ATXN7L1: variants seen among roughly 807,000 people sequenced by gnomAD.
ATXN7L1 encodes the protein ataxin-7-like protein 1.
Under a neutral mutation model 70.8 loss-of-function variants are expected in ATXN7L1, and 15 were observed. That is an observed-to-expected ratio of 0.21 (90% CI 0.14 to 0.33). ATXN7L1 has a LOEUF of 0.33. ATXN7L1 is among the 10% of genes least tolerant of loss of function. The pLI, the probability that ATXN7L1 is intolerant of heterozygous loss-of-function variation, is 1.00. For missense variants in ATXN7L1, 975 were observed against 1,097.1 expected, an observed-to-expected ratio of 0.89 and a Z score of 1.57; for synonymous variants, 440 against 445.1, an observed-to-expected ratio of 0.99 and a Z score of 0.14.
intron 3 of ATXN7L1, chr7:105,761,381 C>T (rs1800517440): frequency 5.0e-6 from 8 of 1,614,134 alleles, no homozygotes; most frequent in African/African-American, 1.3e-5. Flanking sequence ...TCCATTCTCA[C>T]ACCTGATGCT....
intron 2 of ATXN7L1, among the ~76,000 whole-genome samples, chr7:105,833,636 G>A (rs1811959116): frequency 6.6e-6 from 1 of 152,204 alleles, no homozygotes; most frequent in Non-Finnish European, 1.5e-5. Flanking sequence ...AAAACTCAGA[G>A]AAAGTATAGT....
At chr7:105,673,647 C>T (rs911664235) in intron 3 of ATXN7L1, among the ~76,000 whole-genome samples, 1 of 152,228 alleles carries the variant, frequency 6.6e-6, no homozygotes, top group Admixed American at 6.5e-5. Context: ...CAAAAGTAAA[C>T]TGGAGTTGGA....
intron 3 of ATXN7L1, among the ~76,000 whole-genome samples, chr7:105,750,604 C>T: frequency 6.7e-6 from 1 of 148,154 alleles, no homozygotes; most frequent in Non-Finnish European, 1.5e-5. Context: ...GCGTTCGAGA[C>T]CAGCCTGACC....
Position 105,862,531 on chromosome 7 carries a change from C to A in ATXN7L1, c.250+13281G>T, listed in dbSNP as rs543505747. ...TCTGTCCCATTAAGTGTAAAAGGTGCTTGAACCCACAAGCTCCAGGTCCTT... is the reference window on the plus strand; with the variant it reads ...TCTGTCCCATTAAGTGTAAAAGGTGATTGAACCCACAAGCTCCAGGTCCTT... On this transcript the variant is annotated intron_variant, in intron 2 of 11. Transcript: ENST00000419735. Among the ~76,000 whole-genome samples, 4 of 152,286 alleles carry A rather than the reference C, an allele frequency of 2.6e-5. No individual in the cohort carries two copies. The South Asian group carries it at 6.2e-4, about 24-fold the overall frequency.
chr7:105,646,721 G>T (rs1222325713), intron 4 of ATXN7L1, among the ~76,000 whole-genome samples: 1 of 146,676 alleles, frequency 6.8e-6, no homozygotes, highest in Non-Finnish European at 1.5e-5. Flanking sequence ...CCCAGCCGAG[G>T]CCAGGTATTT....
chr7:105,619,832 C>T (rs993622950), intron 9 of ATXN7L1, among the ~76,000 whole-genome samples: 9 of 151,968 alleles, frequency 5.9e-5, no homozygotes, highest in Non-Finnish European at 1.2e-4. Flanking sequence ...GCTGGGATTA[C>T]AGGCGTGAAT....
chr7:105,610,148 C>T (rs191456870), intron 11 of ATXN7L1, among the ~76,000 whole-genome samples: 5 of 152,190 alleles, frequency 3.3e-5, no homozygotes, highest in Admixed American at 6.5e-5. Context: ...TGCCTTTTAA[C>T]GAATGAAAAA....
chr7:105,646,806 C>T (rs931857608), intron 4 of ATXN7L1, among the ~76,000 whole-genome samples: 2 of 150,904 alleles, frequency 1.3e-5, no homozygotes, highest in African/African-American at 2.4e-5. Flanking sequence ...AAGCTGGGCA[C>T]GTTGGTGGAC....
chr7:105,673,351 G>C (rs1438252144), intron 3 of ATXN7L1, among the ~76,000 whole-genome samples: 2 of 152,198 alleles, frequency 1.3e-5, no homozygotes, highest in Admixed American at 6.5e-5. Flanking sequence ...GAAAGAACTT[G>C]TTGAGAATTT....
chr7:105,810,779 G>A (rs1808324851), intron 2 of ATXN7L1, among the ~76,000 whole-genome samples: 1 of 152,272 alleles, frequency 6.6e-6, no homozygotes, highest in African/African-American at 2.4e-5. Flanking sequence ...AGTGGTGTGG[G>A]AAGCTATGCA....
intron 9 of ATXN7L1, among the ~76,000 whole-genome samples, chr7:105,619,139 A>AGTTTTT (rs1794371192): frequency 1.3e-4 from 3 of 23,578 alleles, no homozygotes; most frequent in Non-Finnish European, 1.9e-4. Context: ...TGAAATCTTT[A>AGTTTTT]GTTTTTTTTT....
chr7:105,688,428 A>G (rs1005999976), intron 3 of ATXN7L1, among the ~76,000 whole-genome samples: 1 of 152,110 alleles, frequency 6.6e-6, no homozygotes, highest in African/African-American at 2.4e-5. Flanking sequence ...CTGTAGCCCC[A>G]GCTACTTGGG....
intron 2 of ATXN7L1, among the ~76,000 whole-genome samples, chr7:105,794,092 C>G (rs769640500): frequency 1.3e-5 from 2 of 151,990 alleles, no homozygotes; most frequent in Non-Finnish European, 2.9e-5. Context: ...TTATTTTACT[C>G]TATTCTATTT....
At chr7:105,732,671 C>A (rs1796710890) in intron 3 of ATXN7L1, among the ~76,000 whole-genome samples, 1 of 152,168 alleles carries the variant, frequency 6.6e-6, no homozygotes. Context: ...GGGGTGGGAT[C>A]ACCATCAGGT....
At position 105,847,547 on chromosome 7, in the gene ATXN7L1, T is replaced by C. The variant is rs148985233; in HGVS notation, c.250+28265A>G. Among the ~76,000 whole-genome samples the C allele has an allele frequency of 3.8e-4, 58 of 152,284 alleles. No individual in the cohort carries two copies. In the East Asian group the frequency reaches 9.6e-3, roughly 25 times the overall value. Reference sequence around the variant, plus strand: ...GCCAACCAACAGGTCCAGATGTGGATGGTGCTAAGGAAGACCTAAACTGTA... The same window carrying C: ...GCCAACCAACAGGTCCAGATGTGGACGGTGCTAAGGAAGACCTAAACTGTA... On this transcript the variant is annotated intron_variant, in intron 2 of 11. Transcript: ENST00000419735.
intron 2 of ATXN7L1, chr7:105,820,125 TCAAAA>T (rs1726783475): frequency 3.5e-5 from 1 of 28,906 alleles, no homozygotes; most frequent in South Asian, 8.5e-4. Context: ...TGTTTATTCC[TCAAAA>T]AAAAAAAAAA....
intron 2 of ATXN7L1, among the ~76,000 whole-genome samples, chr7:105,804,781 T>C (rs1020468496): frequency 1.3e-5 from 2 of 152,208 alleles, no homozygotes; most frequent in African/African-American, 4.8e-5. Context: ...CTCCATTTTA[T>C]AGATAAGGAA....
intron 2 of ATXN7L1, among the ~76,000 whole-genome samples, chr7:105,839,904 A>C (rs1488869831): frequency 1.3e-5 from 2 of 152,258 alleles, no homozygotes; most frequent in African/African-American, 4.8e-5. Flanking sequence ...GAAACACCTG[A>C]AATGTGCTAT....
chr7:105,825,877 T>C (rs1242919248), intron 2 of ATXN7L1, among the ~76,000 whole-genome samples: 1 of 152,190 alleles, frequency 6.6e-6, no homozygotes, highest in Non-Finnish European at 1.5e-5. Flanking sequence ...AGATACTTGA[T>C]ATTTACAAGC....
Sources: gnomAD v4.1 joint callset for allele counts (sites outside exome capture counted in the v4.1 genomes callset) on GRCh38, gnomAD v4.1.1 for gene constraint, MANE v1.5 for transcripts, NCBI Gene and HGNC (gene_info 2026-07-23, HGNC 2026-07-21) for gene names.